MGMT: variants seen among roughly 807,000 people sequenced by gnomAD.
MGMT encodes O-6-methylguanine-DNA methyltransferase, also known as methylated-DNA--protein-cysteine methyltransferase.
A neutral mutation model predicts 15.9 loss-of-function variants in MGMT; 14 were observed. The ratio of observed to expected loss-of-function variants is 0.88; its 90% CI spans 0.58 to 1.37. MGMT has a LOEUF of 1.37. Ranked by LOEUF, MGMT falls within the 40% of genes most tolerant of loss-of-function variation. MGMT has a pLI of 0.00. For missense variants in MGMT, 282 were observed against 268.1 expected (o/e 1.05, Z -0.36); for synonymous variants, 130 against 118.2 (o/e 1.10, Z -0.65).
At chr10:129,535,421 G>C (rs1274594053) in intron 1 of MGMT, among the ~76,000 whole-genome samples, 1 of 152,200 alleles carries the variant, frequency 6.6e-6, no homozygotes, top group Non-Finnish European at 1.5e-5. Context: ...AAATGTACAA[G>C]TGTAAAGGTA....
intron 2 of MGMT, among the ~76,000 whole-genome samples, chr10:129,605,025 G>A (rs1846872262): frequency 6.6e-6 from 1 of 152,160 alleles, no homozygotes; most frequent in African/African-American, 2.4e-5. Flanking sequence ...TTCTTTTAAT[G>A]TTTTACCAAA....
chr10:129,640,529 G>A (rs1163829761), intron 2 of MGMT, among the ~76,000 whole-genome samples: 2 of 152,064 alleles, frequency 1.3e-5, no homozygotes, highest in Admixed American at 1.3e-4. Context: ...TCTTCATTGG[G>A]GAATTCTACA....
rs141701981 is a variant in MGMT at position 129,530,047 on chromosome 10, C to T, written c.-12-6194C>T. On this transcript the variant is annotated intron_variant, in intron 1 of 4. Transcript: ENST00000651593. ...TCCCGAGTAGCTGGAACTACAGGCA[C>T]ATGCCACCAGCCTGGCTAATGTTTT... Among the ~76,000 whole-genome samples the T allele has an allele frequency of 5.3e-5, 8 of 152,212 alleles. No homozygotes were observed. The East Asian group carries it at 1.5e-3, about 29-fold the overall frequency.
At position 129,523,212 on chromosome 10, in the gene MGMT, G is replaced by A. The variant is rs1304094885; in HGVS notation, c.-12-13029G>A. Among the ~76,000 whole-genome samples the A allele has an allele frequency of 5.9e-5, 9 of 152,336 alleles. No homozygotes were observed. The East Asian group carries it at 1.5e-3, about 26-fold the overall frequency. On this transcript the variant is annotated intron_variant, in intron 1 of 4. Coordinates refer to ENST00000651593, the MANE Select transcript of MGMT (RefSeq NM_002412.5). The stretch of plus-strand genomic sequence containing the variant: ...AGATGTGCGACCCGGCGGGGGCCTC[G>A]GCGGGCACAGGCGGGAGACCCGGGC...
At chr10:129,635,194 C>T (rs1847251700) in intron 2 of MGMT, among the ~76,000 whole-genome samples, 1 of 152,156 alleles carries the variant, frequency 6.6e-6, no homozygotes, top group African/African-American at 2.4e-5. Context: ...CTTTTCCTGC[C>T]TGGGGGAGCT....
intron 4 of MGMT, among the ~76,000 whole-genome samples, chr10:129,762,733 C>T (rs549268848): frequency 5.3e-5 from 8 of 152,282 alleles, no homozygotes; most frequent in African/African-American, 1.4e-4. Context: ...AGTTTATTCA[C>T]GGATTGCCAT....
At chr10:129,565,292 T>TA (rs11429171) in intron 2 of MGMT, among the ~76,000 whole-genome samples, 16,291 of 136,168 alleles carry the variant, frequency 0.12, 892 homozygotes, top group African/African-American at 0.16. Flanking sequence ...TAAAAGACAG[T>TA]AAAAAAAAAA....
intron 1 of MGMT, among the ~76,000 whole-genome samples, chr10:129,469,383 C>T (rs1457922691): frequency 6.6e-6 from 1 of 152,166 alleles, no homozygotes; most frequent in Non-Finnish European, 1.5e-5. Flanking sequence ...TCAGTATATT[C>T]TCTTTGATAG....
At chr10:129,636,136 G>T (rs941226800) in intron 2 of MGMT, among the ~76,000 whole-genome samples, 7 of 152,166 alleles carry the variant, frequency 4.6e-5, no homozygotes, top group Admixed American at 2.0e-4. Flanking sequence ...GAAGTACAAC[G>T]TTCACCTTCA....
At chr10:129,650,521 A>G (rs113538420) in intron 2 of MGMT, among the ~76,000 whole-genome samples, 3,030 of 152,286 alleles carry the variant, frequency 0.02, 38 homozygotes, top group Middle Eastern at 0.058. Flanking sequence ...AGGAATGCGC[A>G]TGAACGGAGA....
At position 129,695,901 on chromosome 10, in the gene MGMT, GA is replaced by G. The variant is rs147531454; in HGVS notation, c.126-11993del. ...CACTTTGCTCTTCCGGTGGATGGGG[GA>G]GGGGCGGGCTGTTCCATGTGACAGC... On this transcript the variant is annotated intron_variant, in intron 2 of 4. Coordinates refer to ENST00000651593, the MANE Select transcript of MGMT (RefSeq NM_002412.5). Among the ~76,000 whole-genome samples, 624 of 152,284 alleles carry G rather than the reference GA, an allele frequency of 4.1e-3. 2 individuals are homozygous for G. The highest frequency in any genetic ancestry group is 0.014 in the African/African-American group (577 of 41,550).
chr10:129,561,348 C>T (rs1200190075), intron 2 of MGMT, among the ~76,000 whole-genome samples: 2 of 151,958 alleles, frequency 1.3e-5, no homozygotes, highest in Admixed American at 6.6e-5. Context: ...GCGAGGAGGT[C>T]GGGAAGGAGC....
chr10:129,719,378 G>C (rs117216988), intron 3 of MGMT, among the ~76,000 whole-genome samples: 2 of 152,376 alleles, frequency 1.3e-5, no homozygotes, highest in Non-Finnish European at 2.9e-5. Flanking sequence ...GCAACCTCGG[G>C]AAACACTCTT....
At chr10:129,578,360 A>G (rs1426149709) in intron 2 of MGMT, among the ~76,000 whole-genome samples, 1 of 152,238 alleles carries the variant, frequency 6.6e-6, no homozygotes, top group Non-Finnish European at 1.5e-5. Flanking sequence ...GCCATAAAAA[A>G]TGATGAGTTC....
chr10:129,518,367 C>CACACACACACACACAT (rs1845764097), intron 1 of MGMT, among the ~76,000 whole-genome samples: 1 of 140,358 alleles, frequency 7.1e-6, no homozygotes, highest in Middle Eastern at 3.8e-3. Flanking sequence ...CACACACACA[C>CACACACACACACACAT]ACACACATTT....
intron 2 of MGMT, among the ~76,000 whole-genome samples, chr10:129,554,506 T>A (rs1215456246): frequency 6.6e-6 from 1 of 152,236 alleles, no homozygotes; most frequent in Non-Finnish European, 1.5e-5. Context: ...TAACTGTCTA[T>A]GTCCTGGTGA....
At chr10:129,754,634 T>C (rs760534524) in intron 3 of MGMT, among the ~76,000 whole-genome samples, 4 of 152,238 alleles carry the variant, frequency 2.6e-5, no homozygotes, top group African/African-American at 4.8e-5. Flanking sequence ...TAGGAATTTA[T>C]TGGGCTCACA....
chr10:129,588,648 C>G (rs773345123), intron 2 of MGMT, among the ~76,000 whole-genome samples: 1 of 152,180 alleles, frequency 6.6e-6, no homozygotes, highest in African/African-American at 2.4e-5. Flanking sequence ...ACCCTGGGTC[C>G]AGTCCTGCCT....
In MGMT at chr10:129,768,069, G is replaced by A. The variant is rs1275785377; in HGVS notation, c.*1072G>A. The A allele has an allele frequency of 6.6e-6, 1 of 152,222 alleles. No homozygotes were observed. Among genetic ancestry groups the A allele is most frequent in the African/African-American group, 2.4e-5 (1 of 41,446 alleles). 9.4% of individuals were successfully genotyped at this position (152,222 alleles called of 1,614,324 possible). A position where few individuals can be genotyped will look rare whatever the true frequency, so the allele number is the denominator to read the frequency against. On this transcript the variant is annotated 3_prime_UTR_variant, in exon 5 of 5. Coordinates refer to ENST00000651593, the MANE Select transcript of MGMT (RefSeq NM_002412.5). ...GAACTGCACCCAGCTGTGCACTAGA[G>A]CGCCATGTTCTTACCCAGCATTCCT...
Sources: gnomAD v4.1 joint callset for allele counts (sites outside exome capture counted in the v4.1 genomes callset) on GRCh38, gnomAD v4.1.1 for gene constraint, MANE v1.5 for transcripts, NCBI Gene and HGNC (gene_info 2026-07-23, HGNC 2026-07-21) for gene names.